TMEM225: variants seen among roughly 807,000 people sequenced by gnomAD.
TMEM225 encodes PMP22 claudin domain-containing protein.
A neutral mutation model predicts 17.6 loss-of-function variants in TMEM225; 10 were observed. The observed-to-expected ratio is 0.57, with a 90% CI of 0.35 to 0.96. The LOEUF (loss-of-function observed/expected upper bound fraction) is 0.96, where lower values mean the gene tolerates loss of function less well. Ranked by LOEUF, TMEM225 falls within the 40% of genes least tolerant of loss-of-function variation. The pLI is 0.02. For synonymous variants in TMEM225, 101 were observed against 94.5 expected, an observed-to-expected ratio of 1.07 and a Z score of -0.40; for missense variants, 245 against 271.5, an observed-to-expected ratio of 0.90 and a Z score of 0.69.
intron 3 of TMEM225, 97 bp from the exon 4 acceptor site, chr11:123,883,449 G>A: frequency 2.3e-6 from 2 of 870,128 alleles, no homozygotes; most frequent in South Asian, 1.6e-5. Flanking sequence ...CCAAAGCCCA[G>A]TGGATCCCTT....
chr11:123,883,466 A>G (rs1862992521), intron 3 of TMEM225, 114 bp from the exon 4 acceptor site: 2 of 711,542 alleles, frequency 2.8e-6, no homozygotes, highest in East Asian at 5.4e-5. Flanking sequence ...CCTTTTAACT[A>G]CCGAAAGCCA....
At chr11:123,885,204 C>T (rs373150539) in intron 1 of TMEM225, 41 bp downstream of exon 1, 1 of 1,580,700 alleles carries the variant, frequency 6.3e-7, no homozygotes, top group East Asian at 2.3e-5. Flanking sequence ...AAGGACACAC[C>T]CTTCCTTTCC....
Position 123,884,639 on chromosome 11 carries a change from G to C in TMEM225, c.182-3C>G, listed in dbSNP as rs201507845. On this transcript the variant is annotated splice_polypyrimidine_tract_variant and splice_region_variant and intron_variant, in intron 1 of 3. Coordinates refer to ENST00000375026, the MANE Select transcript of TMEM225 (RefSeq NM_001013743.3). Reference sequence around the variant, plus strand: ...AATCCTGACCACTTTCAGGTCATCTGTTGGAAAGCAAAAGCTGTTTTGAGA... The same window carrying C: ...AATCCTGACCACTTTCAGGTCATCTCTTGGAAAGCAAAAGCTGTTTTGAGA... The C allele has an allele frequency of 6.2e-7, 1 of 1,608,230 alleles. No homozygotes were observed. Among genetic ancestry groups the C allele is most frequent in the Non-Finnish European group, 8.5e-7 (1 of 1,177,850 alleles).
At chr11:123,883,579 A>G (rs936014728) in intron 3 of TMEM225, among the ~76,000 whole-genome samples, 3 of 152,150 alleles carry the variant, frequency 2.0e-5, no homozygotes, top group African/African-American at 4.8e-5. Context: ...GAAAGAGAAC[A>G]TGCTTCTTTT....
rs77343926 is a variant in TMEM225 at position 123,883,849 on chromosome 11, G to A, written c.463+226C>T. On this transcript the variant is annotated intron_variant, in intron 3 of 3. Transcript: ENST00000375026. ...AGGGTGTGAAAGGCAAATAAAAGGC[G>A]GAGATGGGGAGCTACCCTCTGAGGC... 6.4e-3 allele frequency among the ~76,000 whole-genome samples: 975 copies of A among 152,162 alleles called. 7 individuals are homozygous for A. Among genetic ancestry groups the A allele is most frequent in the African/African-American group, 0.022 (923 of 41,514 alleles).
chr11:123,883,841 TA>T (rs948726425), intron 3 of TMEM225, among the ~76,000 whole-genome samples: 10 of 151,996 alleles, frequency 6.6e-5, no homozygotes, highest in South Asian at 2.1e-4. Context: ...GAAAGGCAAA[TA>T]AAAGGCGGAG....
intron 3 of TMEM225, 40 bp downstream of exon 3, chr11:123,884,035 T>A: frequency 6.4e-7 from 1 of 1,563,758 alleles, no homozygotes; most frequent in Non-Finnish European, 8.6e-7. Context: ...CGGGGATGGA[T>A]TGGTTCTTAA....
chr11:123,883,713 CACT>C (rs1175896338), intron 3 of TMEM225, among the ~76,000 whole-genome samples: 1 of 152,140 alleles, frequency 6.6e-6, no homozygotes, highest in African/African-American at 2.4e-5. Flanking sequence ...ACTGCCTTGA[CACT>C]ACACTGTACT....
intron 1 of TMEM225, among the ~76,000 whole-genome samples, 185 bp downstream of exon 1, chr11:123,885,060 A>G (rs1863021997): frequency 6.6e-6 from 1 of 152,144 alleles, no homozygotes; most frequent in Non-Finnish European, 1.5e-5. Flanking sequence ...CAGAACACCT[A>G]AATGGTGAGA....
At chr11:123,884,700 G>T in intron 1 of TMEM225, 64 bp from the exon 2 acceptor site, 1 of 1,482,590 alleles carries the variant, frequency 6.7e-7, no homozygotes, top group Non-Finnish European at 9.1e-7. Context: ...TTCTACCTGG[G>T]GTCCAGAAGT....
At chr11:123,884,236 A>G (rs780551283) in intron 2 of TMEM225, 27 bp from the exon 3 acceptor site, 217 of 1,555,166 alleles carry the variant, frequency 1.4e-4, no homozygotes, top group Non-Finnish European at 1.6e-4. Flanking sequence ...AAAAAAAAAA[A>G]AAAAAGAAAA....
intron 2 of TMEM225, 28 bp downstream of exon 2, chr11:123,884,462 G>A: frequency 6.3e-7 from 1 of 1,594,300 alleles, no homozygotes; most frequent in Non-Finnish European, 8.5e-7. Context: ...ACACCTACAA[G>A]CTTGTGTTAG....
chr11:123,884,329 G>A (rs769066864), intron 2 of TMEM225, 120 bp from the exon 3 acceptor site: 102 of 1,361,364 alleles, frequency 7.5e-5, no homozygotes, highest in East Asian at 3.3e-4. Context: ...ACCCCCACCC[G>A]GTCCAACTAC....
intron 1 of TMEM225, 82 bp downstream of exon 1, chr11:123,885,163 G>A: frequency 7.9e-7 from 1 of 1,263,188 alleles, no homozygotes; most frequent in Non-Finnish European, 1.1e-6. Context: ...GTACACTGGT[G>A]AGATTAATGC....
Position 123,884,139 on chromosome 11 carries a change from A to G in TMEM225, c.399T>C (p.Ser133=), listed in dbSNP as rs1274704215. The G allele has an allele frequency of 1.2e-6, 2 of 1,611,582 alleles. No homozygotes were observed. Among genetic ancestry groups the G allele is most frequent in the African/African-American group, 1.3e-5 (1 of 74,432 alleles). Residue 133 remains serine, a synonymous_variant, in exon 3 of 4, where the codon TCT becomes TCC. Coordinates refer to ENST00000375026, the MANE Select transcript of TMEM225 (RefSeq NM_001013743.3). ...ACATGATCCAGGTGATCCTATAACT[A>G]GAGAAGTGCATGGATTGACCTTGCT... is the stretch of plus-strand genomic sequence containing the variant. ...KLKQGQSMHF[S]SYRITWIMYT...
At chr11:123,884,657 T>A in intron 1 of TMEM225, 21 bp from the exon 2 acceptor site, 2 of 1,603,470 alleles carry the variant, frequency 1.2e-6, no homozygotes, top group African/African-American at 2.7e-5. Flanking sequence ...GCAAAAGCTG[T>A]TTTGAGAGGA....
In TMEM225 at chr11:123,884,107, G is replaced by A. The variant is rs765484530; in HGVS notation, c.431C>T (p.Ala144Val). 9.9e-6 allele frequency: 16 copies of A among 1,610,014 alleles called. No individual in the cohort carries two copies. The African/African-American group carries it at 1.8e-4, about 18-fold the overall frequency. ...SYRITWIMYT[A>V]YLNVFFLSVC... is the part of the protein sequence containing the mutation. ...AGACAAGAAGAAAACATTTAAGTAAGCAGTATACATGATCCAGGTGATCCT... is the reference window on the plus strand; with the variant it reads ...AGACAAGAAGAAAACATTTAAGTAAACAGTATACATGATCCAGGTGATCCT... The change falls in exon 3 of 4, where the codon GCT (alanine) becomes GTT (valine). Residue 144 changes from alanine to valine, a missense_variant. By Grantham distance (64) the Ala-to-Val change is moderately conservative. Coordinates refer to ENST00000375026, the MANE Select transcript of TMEM225 (RefSeq NM_001013743.3).
chr11:123,885,126 T>G, intron 1 of TMEM225, 119 bp downstream of exon 1: 1 of 917,778 alleles, frequency 1.1e-6, no homozygotes. Context: ...ACACTGCAAC[T>G]TGAGAAGCTG....
intron 3 of TMEM225, 49 bp downstream of exon 3, chr11:123,884,026 G>T: frequency 1.3e-6 from 2 of 1,538,360 alleles, no homozygotes; most frequent in Admixed American, 2.1e-5. Flanking sequence ...TCCCTCTGTC[G>T]GGGATGGATT....
Sources: allele counts gnomAD v4.1 joint callset (sites outside exome capture counted in the v4.1 genomes callset), GRCh38; gene constraint gnomAD v4.1.1; transcripts MANE v1.5; gene names NCBI Gene and HGNC (gene_info 2026-07-23, HGNC 2026-07-21).